NBEA: variants seen among roughly 807,000 people sequenced by gnomAD.
NBEA encodes the protein lysosomal-trafficking regulator 2.
Under a neutral mutation model 343.4 loss-of-function variants are expected in NBEA, and 44 were observed. The ratio of observed to expected loss-of-function variants is 0.13; its 90% CI spans 0.10 to 0.16. The LOEUF is 0.16. Ranked by LOEUF, NBEA falls within the 10% of genes least tolerant of loss-of-function variation. NBEA has a pLI of 1.00. For synonymous variants in NBEA, 1,175 were observed against 1,238.7 expected, an observed-to-expected ratio of 0.95 and a Z score of 1.08; for missense variants, 2,555 against 3,631.3, an observed-to-expected ratio of 0.70 and a Z score of 7.62.
Position 35,208,870 on chromosome 13 carries a change from AT to A in NBEA, c.5521+21del. The A allele has an allele frequency of 6.7e-7, 1 of 1,484,042 alleles. No individual in the cohort carries two copies. The highest frequency in any genetic ancestry group is 9.1e-7 in the Non-Finnish European group (1 of 1,101,528). The allele number at this position is 1,484,042 out of a possible 1,614,324, so 91.9% of individuals were successfully genotyped here. On this transcript the variant is annotated intron_variant, in intron 32 of 58. Transcript: ENST00000379939. ...AATACAACAGGTATTGTACTTACATATTTTTGTGATACTCATCTTTTTATGT... is the reference window on the plus strand; with the variant it reads ...AATACAACAGGTATTGTACTTACATATTTTGTGATACTCATCTTTTTATGT...
In NBEA at chr13:35,258,844, C is replaced by G. The variant is rs186934756; in HGVS notation, c.5776+26225C>G. Among the ~76,000 whole-genome samples, 8 of 152,130 alleles carry G rather than the reference C, an allele frequency of 5.3e-5. No homozygotes were observed. The East Asian group carries it at 1.4e-3, about 26-fold the overall frequency. ...ATTCAGTGGAAACTGTACTTCAGTA[C>G]AGCATTCAATAAATTACATGAGAAA... On this transcript the variant is annotated intron_variant, in intron 34 of 58. Transcript: ENST00000379939.
intron 41 of NBEA, among the ~76,000 whole-genome samples, chr13:35,542,208 A>G (rs2078864155): frequency 6.6e-6 from 1 of 151,456 alleles, no homozygotes; most frequent in Non-Finnish European, 1.5e-5. Flanking sequence ...TGTGTTTATA[A>G]TGGCATATAA....
At chr13:35,549,125 G>A (rs1355255090) in intron 41 of NBEA, among the ~76,000 whole-genome samples, 2 of 152,120 alleles carry the variant, frequency 1.3e-5, no homozygotes, top group Non-Finnish European at 2.9e-5. Flanking sequence ...AAATGTTTCA[G>A]ATTTAAATAG....
chr13:35,007,526 C>G (rs552001894), intron 1 of NBEA, among the ~76,000 whole-genome samples: 11 of 152,216 alleles, frequency 7.2e-5, no homozygotes, highest in Non-Finnish European at 1.0e-4. Context: ...GGGTCTCATT[C>G]TGTTACCCAT....
intron 41 of NBEA, among the ~76,000 whole-genome samples, chr13:35,528,672 T>C (rs2078101192): frequency 6.6e-6 from 1 of 152,208 alleles, no homozygotes; most frequent in Non-Finnish European, 1.5e-5. Flanking sequence ...CTGAGCAGAC[T>C]AATGACAAAA....
chr13:35,502,247 GTTTAT>G (rs549307410), intron 41 of NBEA, among the ~76,000 whole-genome samples: 12 of 152,136 alleles, frequency 7.9e-5, no homozygotes, highest in African/African-American at 2.9e-4. Context: ...AAAAATTTTT[GTTTAT>G]TTTCTTTCCA....
chr13:35,404,609 G>T (rs867378131), intron 38 of NBEA, among the ~76,000 whole-genome samples: 21 of 113,074 alleles, frequency 1.9e-4, no homozygotes, highest in African/African-American at 6.4e-4. Flanking sequence ...GTTGTGGGGT[G>T]GGGGGAGGGG....
At chr13:35,327,709 C>T (rs567200913) in intron 36 of NBEA, among the ~76,000 whole-genome samples, 2 of 151,886 alleles carry the variant, frequency 1.3e-5, no homozygotes, top group East Asian at 3.9e-4. Flanking sequence ...ATCTATTGTA[C>T]CCCAAACCTC....
intron 38 of NBEA, among the ~76,000 whole-genome samples, chr13:35,359,459 G>T (rs1251045971): frequency 6.6e-6 from 1 of 151,988 alleles, no homozygotes; most frequent in Non-Finnish European, 1.5e-5. Flanking sequence ...TCAAATATAT[G>T]TTCAATATGA....
intron 26 of NBEA, among the ~76,000 whole-genome samples, chr13:35,171,969 G>A (rs1292299520): frequency 6.6e-6 from 1 of 152,038 alleles, no homozygotes; most frequent in Non-Finnish European, 1.5e-5. Context: ...CTTTAGCACT[G>A]AAACCTCTTA....
chr13:35,227,487 G>A (rs1384916617), intron 33 of NBEA, among the ~76,000 whole-genome samples: 1 of 151,808 alleles, frequency 6.6e-6, no homozygotes, highest in Admixed American at 6.6e-5. Context: ...CATTTACATA[G>A]GAGCATTCAA....
chr13:35,289,585 G>C (rs2035666644), intron 34 of NBEA, among the ~76,000 whole-genome samples: 1 of 151,698 alleles, frequency 6.6e-6, no homozygotes, highest in Non-Finnish European at 1.5e-5. Context: ...ATACATATAA[G>C]AATTAATGTT....
At chr13:35,536,683 G>GAC (rs2078567961) in intron 41 of NBEA, among the ~76,000 whole-genome samples, 1 of 152,192 alleles carries the variant, frequency 6.6e-6, no homozygotes, top group Non-Finnish European at 1.5e-5. Context: ...CAGACAGACA[G>GAC]ACAGTCAGTC....
intron 36 of NBEA, among the ~76,000 whole-genome samples, chr13:35,311,660 T>A (rs913011097): frequency 1.1e-4 from 16 of 152,158 alleles, no homozygotes; most frequent in African/African-American, 3.9e-4. Flanking sequence ...TTGAGACCGG[T>A]CTGGCTAACA....
chr13:34,993,507 C>G, intron 1 of NBEA, among the ~76,000 whole-genome samples: 1 of 152,300 alleles, frequency 6.6e-6, no homozygotes, highest in Middle Eastern at 3.4e-3. Flanking sequence ...ATTGCTTATT[C>G]AGGATTTCAT....
chr13:34,964,886 T>C (rs2059771329), intron 1 of NBEA, among the ~76,000 whole-genome samples: 1 of 152,060 alleles, frequency 6.6e-6, no homozygotes, highest in Non-Finnish European at 1.5e-5. Flanking sequence ...GAAAGGATTA[T>C]TGTGGTGACT....
intron 41 of NBEA, among the ~76,000 whole-genome samples, chr13:35,543,461 C>A (rs1016417134): frequency 1.3e-5 from 2 of 152,142 alleles, no homozygotes; most frequent in Non-Finnish European, 2.9e-5. Flanking sequence ...CAATTGACAG[C>A]CCATTTAGAT....
At chr13:35,226,721 C>T (rs1355469625) in intron 33 of NBEA, among the ~76,000 whole-genome samples, 2 of 145,660 alleles carry the variant, frequency 1.4e-5, no homozygotes, top group African/African-American at 5.1e-5. Flanking sequence ...AATTAGCACA[C>T]TCCAAAAAAC....
At chr13:35,356,115 T>C (rs1449183889) in intron 38 of NBEA, among the ~76,000 whole-genome samples, 1 of 152,120 alleles carries the variant, frequency 6.6e-6, no homozygotes, top group Non-Finnish European at 1.5e-5. Context: ...ACTTGGTGTA[T>C]GCCCTTTTTT....
Sources: gnomAD v4.1 joint callset for allele counts (sites outside exome capture counted in the v4.1 genomes callset) on GRCh38, gnomAD v4.1.1 for gene constraint, MANE v1.5 for transcripts, NCBI Gene and HGNC (gene_info 2026-07-23, HGNC 2026-07-21) for gene names.